The following MBD5 variants were observed in gnomAD, a reference collection of about 807,000 sequenced individuals.
The protein encoded by MBD5 is methyl-CpG-binding domain protein 5.
MBD5 carries 13 observed loss-of-function variants against 117.3 expected under a neutral mutation model. The ratio of observed to expected loss-of-function variants is 0.11; its 90% CI spans 0.07 to 0.18. The LOEUF is 0.18. Ranked by LOEUF, MBD5 falls within the 10% of genes least tolerant of loss-of-function variation. MBD5 has a pLI of 1.00. For missense variants in MBD5, 1,879 were observed against 2,093.8 expected (o/e 0.90, Z 2.00); for synonymous variants, 727 against 766.4 (o/e 0.95, Z 0.85).
chr2:148,358,192 T>C (rs759108019), intron 4 of MBD5, among the ~76,000 whole-genome samples: 1 of 152,118 alleles, frequency 6.6e-6, no homozygotes, highest in African/African-American at 2.4e-5. Flanking sequence ...CTAGAAGTCA[T>C]TGAAAGTTTG....
At chr2:148,032,730 G>A (rs916221204) in intron 1 of MBD5, among the ~76,000 whole-genome samples, 1 of 152,040 alleles carries the variant, frequency 6.6e-6, no homozygotes, top group Non-Finnish European at 1.5e-5. Flanking sequence ...AATTATAAAA[G>A]ATTTGTGTTA....
chr2:148,336,413 A>G (rs549693180), intron 3 of MBD5, among the ~76,000 whole-genome samples: 9 of 152,040 alleles, frequency 5.9e-5, no homozygotes, highest in African/African-American at 2.2e-4. Flanking sequence ...TTGAGACAGG[A>G]TATGGCTCTG....
At chr2:148,390,586 T>C (rs1010593965) in intron 4 of MBD5, among the ~76,000 whole-genome samples, 6 of 147,212 alleles carry the variant, frequency 4.1e-5, no homozygotes, top group Admixed American at 3.4e-4. Flanking sequence ...TATATATACA[T>C]ACTTTTTGAG....
rs747321453 is a variant in MBD5, at chr2:148,245,350, C to T, written c.-680+11955C>T. Among the ~76,000 whole-genome samples, 8 of 152,238 alleles carry T rather than the reference C, an allele frequency of 5.3e-5. No homozygotes were observed. In the Middle Eastern group the frequency reaches 0.01, roughly 194 times the overall value. ...AAGCGATTCTCCTGCCTCAGCCTCC[C>T]GAGTAGCTGAGATTACAGGCGCCCA... On this transcript the variant is annotated intron_variant, in intron 3 of 13. Transcript: ENST00000642680.
chr2:148,048,608 T>G (rs1694604663), intron 1 of MBD5, among the ~76,000 whole-genome samples: 1 of 152,060 alleles, frequency 6.6e-6, no homozygotes, highest in African/African-American at 2.4e-5. Context: ...GTTTTGGAGT[T>G]GGAGAGTAGA....
chr2:148,051,405 T>A (rs1054424174), intron 1 of MBD5, among the ~76,000 whole-genome samples: 1 of 151,982 alleles, frequency 6.6e-6, no homozygotes, highest in Admixed American at 6.6e-5. Context: ...TCATTTCTGT[T>A]TTTCTTTTTT....
chr2:148,495,801 T>C (rs1309331418), intron 11 of MBD5, among the ~76,000 whole-genome samples: 2 of 152,318 alleles, frequency 1.3e-5, no homozygotes, highest in East Asian at 1.9e-4. Context: ...ACAAAACTTA[T>C]CTTTATTAAA....
At chr2:148,443,959 T>C (rs1706411940) in intron 4 of MBD5, among the ~76,000 whole-genome samples, 1 of 151,406 alleles carries the variant, frequency 6.6e-6, no homozygotes, top group South Asian at 2.1e-4. Flanking sequence ...TTTATCCTAA[T>C]GTGATTATTA....
In MBD5 at chr2:148,467,619, G is replaced by A. The variant is rs79876141; in HGVS notation, c.398-722G>A. Among the ~76,000 whole-genome samples the A allele has an allele frequency of 1.9e-3, 290 of 152,196 alleles. 1 individual carries two copies. Among genetic ancestry groups the A allele is most frequent in the African/African-American group, 6.8e-3 (283 of 41,530 alleles). On this transcript the variant is annotated intron_variant, in intron 7 of 13. Transcript: ENST00000642680. ...TTTTTACAATAATGACTAATTAAGG[G>A]CAAAGAAATTACAGTGTTAGAAACA...
chr2:148,241,361 G>C (rs1449472041), intron 3 of MBD5, among the ~76,000 whole-genome samples: 1 of 152,000 alleles, frequency 6.6e-6, no homozygotes, highest in African/African-American at 2.4e-5. Flanking sequence ...GTCCTTTATG[G>C]ATTTCTGTGG....
chr2:148,423,961 G>C (rs995284913), intron 4 of MBD5, among the ~76,000 whole-genome samples: 10 of 151,764 alleles, frequency 6.6e-5, no homozygotes, highest in Non-Finnish European at 1.3e-4. Flanking sequence ...GGCAGATCAC[G>C]AGGTCAGGAG....
At chr2:148,028,869 C>A (rs541433597) in intron 1 of MBD5, among the ~76,000 whole-genome samples, 1 of 152,016 alleles carries the variant, frequency 6.6e-6, no homozygotes, top group Non-Finnish European at 1.5e-5. Context: ...ATTCCAAAAT[C>A]ATTTTCCTTC....
intron 3 of MBD5, among the ~76,000 whole-genome samples, chr2:148,273,846 C>T (rs546728705): frequency 6.6e-6 from 1 of 152,280 alleles, no homozygotes; most frequent in Middle Eastern, 3.4e-3. Flanking sequence ...AGTAACAATA[C>T]ATGTACTGGA....
intron 3 of MBD5, among the ~76,000 whole-genome samples, chr2:148,248,601 T>G (rs936570492): frequency 5.3e-5 from 8 of 152,078 alleles, no homozygotes; most frequent in Non-Finnish European, 8.8e-5. Flanking sequence ...AGCAGACTCA[T>G]AAATATTTTA....
intron 1 of MBD5, among the ~76,000 whole-genome samples, chr2:148,022,040 T>TA (rs1226667696): frequency 6.6e-6 from 1 of 152,136 alleles, no homozygotes; most frequent in Non-Finnish European, 1.5e-5. Context: ...AGATGTCACT[T>TA]AAAAAAAATT....
chr2:148,507,041 A>G (rs1328839479), intron 12 of MBD5, among the ~76,000 whole-genome samples: 2 of 152,116 alleles, frequency 1.3e-5, no homozygotes, highest in Admixed American at 1.3e-4. Context: ...CCCCACATCT[A>G]TGTATTTATT....
intron 3 of MBD5, among the ~76,000 whole-genome samples, chr2:148,318,322 G>T: frequency 6.7e-6 from 1 of 149,398 alleles, no homozygotes; most frequent in African/African-American, 2.5e-5. Flanking sequence ...TATTTTTCTT[G>T]TGAGTTGTTT....
intron 9 of MBD5, 71 bp from the exon 10 acceptor site, chr2:148,485,671 C>T (rs1012484869): frequency 3.7e-5 from 43 of 1,168,486 alleles, no homozygotes; most frequent in Middle Eastern, 2.4e-4. Flanking sequence ...CAGGAATTCT[C>T]GGGTACAAAG....
chr2:148,214,742 G>A (rs527599750), intron 2 of MBD5, among the ~76,000 whole-genome samples: 29 of 152,212 alleles, frequency 1.9e-4, no homozygotes, highest in Middle Eastern at 3.4e-3. Context: ...ACTTGTCTTC[G>A]GTTGTGATTA....
Sources: allele counts gnomAD v4.1 joint callset (sites outside exome capture counted in the v4.1 genomes callset), GRCh38; gene constraint gnomAD v4.1.1; transcripts MANE v1.5; gene names NCBI Gene and HGNC (gene_info 2026-07-23, HGNC 2026-07-21).